LSAMP: variants seen among roughly 807,000 people sequenced by gnomAD.
LSAMP encodes limbic system associated membrane protein.
A neutral mutation model predicts 38.6 loss-of-function variants in LSAMP; 7 were observed. That is an observed-to-expected ratio of 0.18 (90% CI 0.10 to 0.34). The LOEUF (loss-of-function observed/expected upper bound fraction) is 0.34, where lower values mean the gene tolerates loss of function less well. Ranked by LOEUF, LSAMP falls within the 10% of genes least tolerant of loss-of-function variation. The probability of loss-of-function intolerance (pLI) is 1.00; values close to 1 mark genes in which losing one functional copy is unlikely to be tolerated. For missense variants in LSAMP, 313 were observed against 420.0 expected, an observed-to-expected ratio of 0.75 and a Z score of 2.23; for synonymous variants, 154 against 166.8, an observed-to-expected ratio of 0.92 and a Z score of 0.59.
intron 1 of LSAMP, among the ~76,000 whole-genome samples, chr3:116,156,852 G>C (rs375051777): frequency 1.3e-5 from 2 of 152,126 alleles, no homozygotes; most frequent in Non-Finnish European, 2.9e-5. Flanking sequence ...AAAATGTGTC[G>C]TGTGAAAGGA....
At chr3:115,918,707 GTTTTT>G (rs11391475) in intron 3 of LSAMP, among the ~76,000 whole-genome samples, 1 of 135,232 alleles carries the variant, frequency 7.4e-6, no homozygotes, top group Non-Finnish European at 1.6e-5. Flanking sequence ...TAAAGAACAG[GTTTTT>G]TTTTTTTTTT....
chr3:115,942,414 A>G (rs2107561654), intron 3 of LSAMP, among the ~76,000 whole-genome samples: 1 of 152,318 alleles, frequency 6.6e-6, no homozygotes, highest in Non-Finnish European at 1.5e-5. Context: ...ACAAAGCCAG[A>G]CTGTGATGAC....
chr3:116,407,312 C>T (rs2048909771), intron 1 of LSAMP, among the ~76,000 whole-genome samples: 1 of 151,954 alleles, frequency 6.6e-6, no homozygotes, highest in African/African-American at 2.4e-5. Context: ...TTGAATAAAG[C>T]AGAAACAGTT....
intron 3 of LSAMP, among the ~76,000 whole-genome samples, chr3:115,969,290 T>G (rs929912072): frequency 1.3e-5 from 2 of 152,220 alleles, no homozygotes; most frequent in Non-Finnish European, 2.9e-5. Context: ...TATGTTTAAG[T>G]ATTCTTTTGA....
chr3:115,813,629 G>A (rs999990106), intron 6 of LSAMP, among the ~76,000 whole-genome samples: 1 of 152,052 alleles, frequency 6.6e-6, no homozygotes, highest in African/African-American at 2.4e-5. Context: ...TCATAACTGG[G>A]TTTGAGAGTA....
chr3:115,971,612 C>G (rs1939020470), intron 3 of LSAMP, among the ~76,000 whole-genome samples: 1 of 152,038 alleles, frequency 6.6e-6, no homozygotes. Flanking sequence ...TTAACTCTTC[C>G]TAAAAGTTAG....
At chr3:116,213,158 C>T (rs1368913409) in intron 1 of LSAMP, among the ~76,000 whole-genome samples, 2 of 152,038 alleles carry the variant, frequency 1.3e-5, no homozygotes, top group Non-Finnish European at 2.9e-5. Flanking sequence ...TGAAAATACC[C>T]TACTGTTTTC....
intron 1 of LSAMP, among the ~76,000 whole-genome samples, chr3:116,159,260 C>A (rs189329822): frequency 1.2e-3 from 180 of 152,038 alleles, no homozygotes; most frequent in African/African-American, 4.1e-3. Context: ...ACAAATGGGA[C>A]CTAATTAAAC....
At chr3:116,101,308 G>T (rs1234803841) in intron 1 of LSAMP, among the ~76,000 whole-genome samples, 1 of 152,040 alleles carries the variant, frequency 6.6e-6, no homozygotes, top group Non-Finnish European at 1.5e-5. Flanking sequence ...CCCTATATTT[G>T]CTTCTATCAT....
intron 3 of LSAMP, among the ~76,000 whole-genome samples, chr3:115,902,084 C>T (rs935932488): frequency 1.3e-5 from 2 of 151,946 alleles, no homozygotes; most frequent in African/African-American, 4.8e-5. Context: ...TACAAATCAA[C>T]TCTTGTGCAT....
At chr3:116,041,796 C>CAAAAAAAA (rs148805855) in intron 2 of LSAMP, among the ~76,000 whole-genome samples, 2 of 57,072 alleles carry the variant, frequency 3.5e-5, no homozygotes, top group Non-Finnish European at 4.5e-5. Flanking sequence ...TGAAAGCATG[C>CAAAAAAAA]AAAAAAAAAC....
intron 1 of LSAMP, among the ~76,000 whole-genome samples, chr3:116,246,468 T>G (rs1331931170): frequency 6.6e-6 from 1 of 152,206 alleles, no homozygotes; most frequent in Admixed American, 6.5e-5. Flanking sequence ...TACCTTTTTT[T>G]GCAGTACTAC....
chr3:115,990,282 A>G (rs576279417), intron 3 of LSAMP, among the ~76,000 whole-genome samples: 26 of 152,032 alleles, frequency 1.7e-4, no homozygotes, highest in Non-Finnish European at 3.8e-4. Context: ...TTAGAGGGCT[A>G]TAACAGCCAA....
intron 1 of LSAMP, among the ~76,000 whole-genome samples, chr3:116,410,109 C>G (rs1196221192): frequency 4.6e-5 from 7 of 152,038 alleles, no homozygotes; most frequent in Admixed American, 4.6e-4. Flanking sequence ...TATGAGGATA[C>G]AATTTTCAGC....
chr3:116,057,947 ACACACACACC>A (rs1207389067), intron 2 of LSAMP, among the ~76,000 whole-genome samples: 3 of 106,738 alleles, frequency 2.8e-5, no homozygotes, highest in African/African-American at 1.1e-4. Flanking sequence ...ACACACACAC[ACACACACACC>A]CACACACACA....
At chr3:115,998,055 T>C (rs1186123299) in intron 3 of LSAMP, among the ~76,000 whole-genome samples, 1 of 150,292 alleles carries the variant, frequency 6.7e-6, no homozygotes, top group Non-Finnish European at 1.5e-5. Flanking sequence ...ATGCTGGTTT[T>C]ACCTTCCTGG....
At chr3:116,265,339 T>A (rs2046877727) in intron 1 of LSAMP, among the ~76,000 whole-genome samples, 1 of 152,174 alleles carries the variant, frequency 6.6e-6, no homozygotes, top group Non-Finnish European at 1.5e-5. Flanking sequence ...GAGACTGGAT[T>A]ACTATTAAGC....
At chr3:116,325,229 C>T (rs1196568440) in intron 1 of LSAMP, among the ~76,000 whole-genome samples, 1 of 151,946 alleles carries the variant, frequency 6.6e-6, no homozygotes, top group Non-Finnish European at 1.5e-5. Flanking sequence ...CAGCTTCAAA[C>T]TCCTGGCCTC....
At chr3:116,379,844 G>T (rs1268046312) in intron 1 of LSAMP, among the ~76,000 whole-genome samples, 1 of 152,002 alleles carries the variant, frequency 6.6e-6, no homozygotes, top group African/African-American at 2.4e-5. Context: ...CTTACTTACA[G>T]GCAAATGTAG....
Sources: gnomAD v4.1 joint callset for allele counts (sites outside exome capture counted in the v4.1 genomes callset) on GRCh38, gnomAD v4.1.1 for gene constraint, MANE v1.5 for transcripts, NCBI Gene and HGNC (gene_info 2026-07-23, HGNC 2026-07-21) for gene names.